The following SNTG1 variants were observed in gnomAD, a reference collection of about 807,000 sequenced individuals.
The protein encoded by SNTG1 is syntrophin gamma 1.
A neutral mutation model predicts 74.7 loss-of-function variants in SNTG1; 39 were observed. The ratio of observed to expected loss-of-function variants is 0.52; its 90% confidence interval spans 0.40 to 0.68. SNTG1 has a LOEUF of 0.68. SNTG1 is among the 30% of genes least tolerant of loss of function. SNTG1 has a pLI of 0.00. For missense variants in SNTG1, 685 were observed against 609.5 expected, an observed-to-expected ratio of 1.12 and a Z score of -1.30; for synonymous variants, 254 against 217.1, an observed-to-expected ratio of 1.17 and a Z score of -1.49.
chr8:50,280,985 C>CAAAAAAAAAA (rs35973666), intron 2 of SNTG1, among the ~76,000 whole-genome samples: 1 of 75,452 alleles, frequency 1.3e-5, no homozygotes, highest in African/African-American at 5.0e-5. Flanking sequence ...AACCCAGTCT[C>CAAAAAAAAAA]AAAAAAAAAA....
chr8:50,107,749 C>T (rs1468105148), intron 1 of SNTG1, among the ~76,000 whole-genome samples: 4 of 151,816 alleles, frequency 2.6e-5, no homozygotes, highest in African/African-American at 9.7e-5. Flanking sequence ...CGGGGTTTTA[C>T]CATGTTGGCC....
chr8:49,963,357 G>A (rs920134397), intron 1 of SNTG1, among the ~76,000 whole-genome samples: 2 of 152,186 alleles, frequency 1.3e-5, no homozygotes, highest in African/African-American at 4.8e-5. Flanking sequence ...GCCCAACTGT[G>A]ATCTTGGCAC....
At chr8:50,331,488 A>T (rs542301769) in intron 2 of SNTG1, among the ~76,000 whole-genome samples, 2 of 152,334 alleles carry the variant, frequency 1.3e-5, no homozygotes, top group Admixed American at 1.3e-4. Flanking sequence ...GAATCAAACA[A>T]GAGAAGAAAT....
intron 12 of SNTG1, among the ~76,000 whole-genome samples, chr8:50,570,588 G>GTTATTATTA (rs1165108196): frequency 9.2e-5 from 8 of 86,890 alleles, no homozygotes; most frequent in African/African-American, 3.4e-4. Context: ...TATTATTATT[G>GTTATTATTA]TTGTTATTAT....
rs137977278 is a variant in SNTG1, at chr8:50,570,591, G to GTTGTTGTTGTTATTA, written c.810+17414_810+17415insGTTGTTGTTATTATT. 2.8e-3 allele frequency among the ~76,000 whole-genome samples: 360 copies of GTTGTTGTTGTTATTA among 130,144 alleles called. 2 individuals carry two copies. The highest frequency in any genetic ancestry group is 8.2e-3 in the African/African-American group (281 of 34,210). 85.4% of individuals were successfully genotyped at this position (130,144 alleles called of 152,430 possible). On this transcript the variant is annotated intron_variant, in intron 12 of 18. Coordinates refer to ENST00000642720, the MANE Select transcript of SNTG1 (RefSeq NM_018967.5). ...TATTATTATTATTATTATTATTGTT[G>GTTGTTGTTGTTATTA]TTATTATTATTATTATTATTATTAT...
At chr8:50,120,187 T>G (rs1362991827) in intron 1 of SNTG1, among the ~76,000 whole-genome samples, 1 of 141,606 alleles carries the variant, frequency 7.1e-6, no homozygotes, top group African/African-American at 2.6e-5. Flanking sequence ...AAACAATTAA[T>G]GAATTAATAC....
At chr8:50,003,386 T>A (rs1814925031) in intron 1 of SNTG1, among the ~76,000 whole-genome samples, 1 of 152,176 alleles carries the variant, frequency 6.6e-6, no homozygotes, top group Admixed American at 6.6e-5. Flanking sequence ...GCCAAACAAT[T>A]ACAGTGGTCT....
Position 50,704,681 on chromosome 8 carries a change from CT to C in SNTG1, c.1121del (p.Leu374ArgfsTer18), listed in dbSNP as rs2095437579. The C allele has an allele frequency of 6.2e-7, 1 of 1,614,116 alleles. No homozygotes were observed. The highest frequency in any genetic ancestry group is 2.2e-5 in the East Asian group (1 of 44,856). On this transcript the variant is annotated frameshift_variant, in exon 16 of 19. Transcript: ENST00000642720. LOFTEE classifies it high-confidence loss of function. ...GGAGGACCTGTACTTCTCAGTGGAG[CT>C]GGAAAGTGACCTCGCCCAGTGGGAA... ...SGEDLYFSVE[L>X]ESDLAQWERA...
intron 15 of SNTG1, among the ~76,000 whole-genome samples, chr8:50,665,336 C>T (rs576259424): frequency 8.6e-5 from 13 of 151,926 alleles, no homozygotes; most frequent in African/African-American, 3.1e-4. Context: ...AAGAAAGAAG[C>T]CAAGAATAAA....
intron 13 of SNTG1, among the ~76,000 whole-genome samples, chr8:50,632,456 A>T (rs1327228475): frequency 6.6e-6 from 1 of 152,008 alleles, no homozygotes; most frequent in Non-Finnish European, 1.5e-5. Context: ...GACCACAGGC[A>T]TGCACCACCA....
At chr8:50,300,336 G>T (rs890036501) in intron 2 of SNTG1, among the ~76,000 whole-genome samples, 4 of 152,068 alleles carry the variant, frequency 2.6e-5, no homozygotes, top group African/African-American at 9.7e-5. Flanking sequence ...ATACATTTTT[G>T]TGTGTGTGAA....
chr8:50,718,529 T>C (rs114271501), intron 17 of SNTG1, among the ~76,000 whole-genome samples: 20 of 152,328 alleles, frequency 1.3e-4, no homozygotes, highest in African/African-American at 4.8e-4. Flanking sequence ...CCTCTGATTG[T>C]TCCTTATTCT....
At chr8:50,729,557 G>A (rs1038218171) in intron 17 of SNTG1, among the ~76,000 whole-genome samples, 1 of 152,078 alleles carries the variant, frequency 6.6e-6, no homozygotes, top group Non-Finnish European at 1.5e-5. Context: ...GGTCTCTTTT[G>A]TCAGCCAGCT....
Position 50,743,531 on chromosome 8 carries a change from T to A in SNTG1, c.1285-8470T>A, listed in dbSNP as rs963050708. ...TATGAAAAACGACCCACAGATAATATTATATCCAATGCTGAAAGACTGAAA... is the reference window on the plus strand; with the variant it reads ...TATGAAAAACGACCCACAGATAATAATATATCCAATGCTGAAAGACTGAAA... On this transcript the variant is annotated intron_variant, in intron 17 of 18. Coordinates refer to ENST00000642720, the MANE Select transcript of SNTG1 (RefSeq NM_018967.5). 4.0e-5 allele frequency among the ~76,000 whole-genome samples: 6 copies of A among 151,760 alleles called. No individual in the cohort carries two copies. The East Asian group carries it at 1.2e-3, about 29-fold the overall frequency.
At chr8:50,747,313 A>T (rs1010111728) in intron 17 of SNTG1, among the ~76,000 whole-genome samples, 3 of 151,968 alleles carry the variant, frequency 2.0e-5, no homozygotes, top group Non-Finnish European at 2.9e-5. Context: ...GAAATGATGC[A>T]CTGAACTAGT....
intron 1 of SNTG1, among the ~76,000 whole-genome samples, chr8:50,131,800 C>T (rs1156556863): frequency 6.6e-6 from 1 of 151,918 alleles, no homozygotes; most frequent in Non-Finnish European, 1.5e-5. Context: ...TTTACGTTTC[C>T]CACCAACAAG....
intron 13 of SNTG1, among the ~76,000 whole-genome samples, 168 bp downstream of exon 13, chr8:50,591,085 T>C (rs961504832): frequency 5.3e-5 from 8 of 152,150 alleles, no homozygotes; most frequent in African/African-American, 1.9e-4. Flanking sequence ...TGTAATATAT[T>C]GGTTCCTCTA....
chr8:50,159,495 T>G (rs1004060811), intron 1 of SNTG1, among the ~76,000 whole-genome samples: 1 of 152,202 alleles, frequency 6.6e-6, no homozygotes, highest in East Asian at 1.9e-4. Flanking sequence ...CGCTGTTCTT[T>G]GTAATTATTA....
At chr8:50,427,450 G>C (rs1402661202) in intron 4 of SNTG1, among the ~76,000 whole-genome samples, 3 of 151,940 alleles carry the variant, frequency 2.0e-5, no homozygotes, top group Non-Finnish European at 4.4e-5. Flanking sequence ...AATTTTTTGA[G>C]TCGGGGTCTC....
Sources: gnomAD v4.1 joint callset for allele counts (sites outside exome capture counted in the v4.1 genomes callset) on GRCh38, gnomAD v4.1.1 for gene constraint, MANE v1.5 for transcripts, NCBI Gene and HGNC (gene_info 2026-07-23, HGNC 2026-07-21) for gene names.